HECW1: variants seen among roughly 807,000 people sequenced by gnomAD.
The protein encoded by HECW1 is HECT, C2 and WW domain containing E3 ubiquitin protein ligase 1.
HECW1 carries 61 observed loss-of-function variants against 182.3 expected under a neutral mutation model. That is an observed-to-expected ratio of 0.33 (90% CI 0.27 to 0.41). The LOEUF is 0.41. Ranked by LOEUF, HECW1 falls within the 10% of genes least tolerant of loss-of-function variation. The pLI is 1.00. For missense variants in HECW1, 1,739 were observed against 2,108.9 expected (o/e 0.82, Z 3.44); for synonymous variants, 859 against 832.6 (o/e 1.03, Z -0.55).
At chr7:43,473,903 T>C (rs997180603) in intron 16 of HECW1, among the ~76,000 whole-genome samples, 1 of 151,638 alleles carries the variant, frequency 6.6e-6, no homozygotes, top group Admixed American at 6.6e-5. Context: ...AGATAACAAG[T>C]AAGTAAGTAA....
In HECW1 at chr7:43,444,768, C is replaced by T. The variant is rs758460547; in HGVS notation, c.1596C>T (p.Ser532=). 5 of 1,614,100 alleles carry T rather than the reference C, an allele frequency of 3.1e-6. No individual in the cohort carries two copies. Among genetic ancestry groups the T allele is most frequent in the Non-Finnish European group, 3.4e-6 (4 of 1,179,996 alleles). Residue 532 remains serine, a synonymous_variant, in exon 11 of 30, where the codon AGC becomes AGT. Transcript: ENST00000395891. This position sits in a 1 kb window ranked among gnomAD's most constrained non-coding sequence, Gnocchi z 4.3. ...TGCGGGCCTCGGTGAAGAGAAAAAGCAGGCCCTGCTCCTTGCCTGTGTCCG... is the reference window on the plus strand; with the variant it reads ...TGCGGGCCTCGGTGAAGAGAAAAAGTAGGCCCTGCTCCTTGCCTGTGTCCG... ...LQLRASVKRK[S]RPCSLPVSEL...
chr7:43,118,608 T>C (rs760116573), intron 2 of HECW1: 6 of 152,224 alleles, frequency 3.9e-5, no homozygotes, highest in Non-Finnish European at 4.4e-5. Flanking sequence ...ACTTCTTTTT[T>C]TCTTTACCGT....
intron 3 of HECW1, among the ~76,000 whole-genome samples, chr7:43,287,179 A>C (rs1450814046): frequency 6.6e-6 from 1 of 152,194 alleles, no homozygotes; most frequent in Non-Finnish European, 1.5e-5. Flanking sequence ...AAAGAGAAAT[A>C]ATACAGGGAA....
chr7:43,393,679 T>TC (rs2075125324), intron 6 of HECW1, among the ~76,000 whole-genome samples: 1 of 148,572 alleles, frequency 6.7e-6, no homozygotes, highest in Non-Finnish European at 1.5e-5. Flanking sequence ...TTCTTCTTCT[T>TC]TTTTTTTTTT....
chr7:43,317,290 C>T (rs1036333608), intron 4 of HECW1, among the ~76,000 whole-genome samples: 3 of 152,204 alleles, frequency 2.0e-5, no homozygotes, highest in African/African-American at 4.8e-5. Flanking sequence ...TCACTGTCTT[C>T]GCCGGTGGAG....
At chr7:43,254,533 A>G (rs1284796393) in intron 3 of HECW1, among the ~76,000 whole-genome samples, 1 of 152,228 alleles carries the variant, frequency 6.6e-6, no homozygotes, top group Non-Finnish European at 1.5e-5. Flanking sequence ...GTTCAGGAGA[A>G]TGTACTGGAA....
chr7:43,302,618 C>T (rs1010480199), intron 3 of HECW1, among the ~76,000 whole-genome samples: 2 of 152,138 alleles, frequency 1.3e-5, no homozygotes, highest in Admixed American at 6.5e-5. Flanking sequence ...GGGGCCGCCC[C>T]GGGAGGATGA....
rs1458373560 is a variant in HECW1, at chr7:43,207,723, A to G, written c.-31-36152A>G. 5.3e-5 allele frequency: 8 copies of G among 152,260 alleles called. No homozygotes were observed. In the East Asian group the frequency reaches 1.5e-3, roughly 29 times the overall value. The allele number at this position is 152,260 out of a possible 1,614,324, so 9.4% of individuals were successfully genotyped here. On this transcript the variant is annotated intron_variant, in intron 2 of 29. Coordinates refer to ENST00000395891, the MANE Select transcript of HECW1 (RefSeq NM_015052.5). The stretch of plus-strand genomic sequence containing the variant: ...AGTTTCCAGGTATGAATGAGAACAT[A>G]TGGTGCCTAACTTTCTATTCCTGGC...
chr7:43,535,656 A>C (rs756072997), intron 24 of HECW1, among the ~76,000 whole-genome samples: 1 of 152,214 alleles, frequency 6.6e-6, no homozygotes, highest in Non-Finnish European at 1.5e-5. Context: ...GTATTAAAGG[A>C]TAATGAAAAC....
intron 2 of HECW1, among the ~76,000 whole-genome samples, chr7:43,221,537 GTTTTTTTTTTTTTTTTTTTTTTT>G (rs71008897): frequency 7.1e-4 from 36 of 50,530 alleles, no homozygotes; most frequent in African/African-American, 1.3e-3. Flanking sequence ...GAGGAATTAG[GTTTTTTTTTTTTTTTTTTTTTTT>G]TTTTTTTTTT....
chr7:43,298,288 C>T (rs1247656867), intron 3 of HECW1, among the ~76,000 whole-genome samples: 7 of 152,286 alleles, frequency 4.6e-5, no homozygotes, highest in East Asian at 1.9e-4. Flanking sequence ...TAAATTTTCA[C>T]GCGAATAAGT....
chr7:43,199,498 C>T (rs1219133263), intron 2 of HECW1, among the ~76,000 whole-genome samples: 1 of 152,176 alleles, frequency 6.6e-6, no homozygotes, highest in Non-Finnish European at 1.5e-5. Flanking sequence ...ATTTCACCAA[C>T]CCCGCTGCAT....
chr7:43,248,002 AAAG>A (rs1799601351), intron 3 of HECW1, among the ~76,000 whole-genome samples: 1 of 142,822 alleles, frequency 7.0e-6, no homozygotes, highest in African/African-American at 2.7e-5. Context: ...GGAAGGAAGG[AAAG>A]AAAGAGAGAA....
intron 16 of HECW1, among the ~76,000 whole-genome samples, chr7:43,472,166 G>A (rs768452663): frequency 9.9e-5 from 15 of 152,204 alleles, no homozygotes; most frequent in Non-Finnish European, 1.5e-4. Context: ...CTGATATGGC[G>A]TATGAACACG....
chr7:43,211,511 C>T (rs1020313617), intron 2 of HECW1, among the ~76,000 whole-genome samples: 2 of 152,118 alleles, frequency 1.3e-5, no homozygotes, highest in African/African-American at 4.8e-5. Flanking sequence ...ACAGTGTCCT[C>T]CCACCAGAGG....
chr7:43,517,099 A>G (rs754946224), intron 24 of HECW1, among the ~76,000 whole-genome samples: 6 of 152,228 alleles, frequency 3.9e-5, no homozygotes, highest in Admixed American at 2.6e-4. Flanking sequence ...CGACTACGTT[A>G]TGAGTCACTC....
chr7:43,303,431 C>T (rs1199922438), intron 3 of HECW1, among the ~76,000 whole-genome samples: 4 of 149,078 alleles, frequency 2.7e-5, no homozygotes, highest in African/African-American at 5.0e-5. Flanking sequence ...TTTTTATGAG[C>T]GATAAGGCAT....
At chr7:43,430,392 T>A (rs1462808390) in intron 8 of HECW1, among the ~76,000 whole-genome samples, 1 of 152,146 alleles carries the variant, frequency 6.6e-6, no homozygotes, top group African/African-American at 2.4e-5. Flanking sequence ...GCAGATCAAG[T>A]TAGTAAAAAT....
At chr7:43,256,659 G>A (rs1390023323) in intron 3 of HECW1, among the ~76,000 whole-genome samples, 1 of 150,972 alleles carries the variant, frequency 6.6e-6, no homozygotes, top group African/African-American at 2.4e-5. Context: ...AGTAATTTCT[G>A]ATTAATAATA....
Sources: gnomAD v4.1 joint callset for allele counts (sites outside exome capture counted in the v4.1 genomes callset) on GRCh38, gnomAD v4.1.1 for gene constraint, Gnocchi (gnomAD v3.1) non-coding constraint, MANE v1.5 for transcripts, NCBI Gene and HGNC (gene_info 2026-07-23, HGNC 2026-07-21) for gene names.